The following PDE4B variants were observed in gnomAD, a reference collection of about 807,000 sequenced individuals.
PDE4B encodes phosphodiesterase 4B, also known as 3',5'-cyclic-AMP phosphodiesterase 4B.
A neutral mutation model predicts 82.2 loss-of-function variants in PDE4B; 20 were observed. The ratio of observed to expected loss-of-function variants is 0.24; its 90% CI spans 0.17 to 0.35. The LOEUF is 0.35. Ranked by LOEUF, PDE4B falls within the 10% of genes least tolerant of loss-of-function variation. The probability of loss-of-function intolerance (pLI) is 1.00; values close to 1 mark genes in which losing one functional copy is unlikely to be tolerated. For synonymous variants in PDE4B, 320 were observed against 318.9 expected (o/e 1.00, Z -0.04); for missense variants, 655 against 907.2 (o/e 0.72, Z 3.57).
At chr1:66,035,205 T>C (rs989676444) in intron 3 of PDE4B, among the ~76,000 whole-genome samples, 2 of 152,206 alleles carry the variant, frequency 1.3e-5, no homozygotes, top group Non-Finnish European at 2.9e-5. Flanking sequence ...TTTTGACAAA[T>C]AGTAATTGTG....
At chr1:65,974,483 T>G (rs569210682) in intron 3 of PDE4B, among the ~76,000 whole-genome samples, 40 of 152,198 alleles carry the variant, frequency 2.6e-4, no homozygotes, top group Non-Finnish European at 4.6e-4. Flanking sequence ...CATTCCCTTC[T>G]CCCTGGGTCA....
chr1:65,803,034 T>C (rs1475592848), intron 1 of PDE4B, among the ~76,000 whole-genome samples: 1 of 152,182 alleles, frequency 6.6e-6, no homozygotes, highest in Non-Finnish European at 1.5e-5. Flanking sequence ...TTTAATGACA[T>C]ATATTAATAT....
At chr1:66,115,587 G>A (rs970444932) in intron 3 of PDE4B, among the ~76,000 whole-genome samples, 1 of 152,198 alleles carries the variant, frequency 6.6e-6, no homozygotes, top group Non-Finnish European at 1.5e-5. Context: ...ACATGAAATT[G>A]TCTCATATAG....
At chr1:66,224,601 C>T (rs1466102815) in intron 3 of PDE4B, among the ~76,000 whole-genome samples, 1 of 152,128 alleles carries the variant, frequency 6.6e-6, no homozygotes. Context: ...TGCCTGTAAT[C>T]CCAGCTACTC....
chr1:66,338,723 G>C (rs1660711167), intron 8 of PDE4B, among the ~76,000 whole-genome samples: 1 of 150,448 alleles, frequency 6.6e-6, no homozygotes, highest in Non-Finnish European at 1.5e-5. Context: ...GGGAAATAGA[G>C]ATAAGCTATT....
intron 1 of PDE4B, among the ~76,000 whole-genome samples, chr1:65,906,522 T>C (rs1273553506): frequency 6.6e-6 from 1 of 152,164 alleles, no homozygotes; most frequent in African/African-American, 2.4e-5. Context: ...TGATTACTTT[T>C]TTTTAGACTA....
chr1:65,870,997 C>T (rs975976366), intron 1 of PDE4B, among the ~76,000 whole-genome samples: 1 of 152,138 alleles, frequency 6.6e-6, no homozygotes, highest in Non-Finnish European at 1.5e-5. Flanking sequence ...AGTCTAAGGG[C>T]AGCACTTCAG....
chr1:66,087,020 G>C (rs946587291), intron 3 of PDE4B, among the ~76,000 whole-genome samples: 4 of 152,088 alleles, frequency 2.6e-5, no homozygotes, highest in Middle Eastern at 3.2e-3. Context: ...TGGAGTTATG[G>C]AAGAACAGAG....
chr1:66,109,152 C>T (rs1326739957), intron 3 of PDE4B, among the ~76,000 whole-genome samples: 1 of 151,928 alleles, frequency 6.6e-6, no homozygotes, highest in Non-Finnish European at 1.5e-5. Flanking sequence ...TGCCATGGTA[C>T]AGACATATCT....
intron 7 of PDE4B, chr1:66,266,740 A>G (rs759366886): frequency 4.3e-5 from 22 of 516,526 alleles, no homozygotes; most frequent in Non-Finnish European, 6.8e-5. Context: ...AAGGAACACC[A>G]TGGAGTTCTG....
Position 66,072,822 on chromosome 1 carries a change from A to T in PDE4B, c.281+153987A>T, listed in dbSNP as rs183779203. On this transcript the variant is annotated intron_variant, in intron 3 of 16. Transcript: ENST00000341517. ...AATTTTTTCAGTCTAGTGGGGATCA[A>T]AGTGGAACAAATAGAAAATAAAGTA... is the stretch of plus-strand genomic sequence containing the variant. Among the ~76,000 whole-genome samples the T allele has an allele frequency of 7.0e-4, 107 of 152,272 alleles. 1 individual carries two copies. Among genetic ancestry groups the T allele is most frequent in the African/African-American group, 2.5e-3 (104 of 41,566 alleles).
Position 66,369,113 on chromosome 1 carries a change from G to A in PDE4B, c.1845+144G>A, listed in dbSNP as rs543136594. ...TACGCATTTTGTTCCATTATAGTCA[G>A]GACTCATGCGACTTCTCCATTACAC... On this transcript the variant is annotated intron_variant, in intron 16 of 16. Coordinates refer to ENST00000341517, the MANE Select transcript of PDE4B (RefSeq NM_002600.4). The A allele has an allele frequency of 3.9e-5, 23 of 592,760 alleles. No homozygotes were observed. In the East Asian group the frequency reaches 6.8e-4, roughly 18 times the overall value. The allele number at this position is 592,760 out of a possible 1,614,324, so 36.7% of individuals were successfully genotyped here. A position where few individuals can be genotyped will look rare whatever the true frequency, so the allele number is the denominator to read the frequency against.
intron 3 of PDE4B, among the ~76,000 whole-genome samples, chr1:65,971,668 C>T (rs970337375): frequency 3.3e-5 from 5 of 151,972 alleles, no homozygotes; most frequent in East Asian, 1.9e-4. Flanking sequence ...CAACTATTTC[C>T]GAAGTAGAAT....
intron 1 of PDE4B, among the ~76,000 whole-genome samples, chr1:65,879,662 C>T (rs1247208786): frequency 6.6e-6 from 1 of 152,070 alleles, no homozygotes; most frequent in African/African-American, 2.4e-5. Context: ...TAAATAAAAG[C>T]ATGAAAACTA....
intron 4 of PDE4B, among the ~76,000 whole-genome samples, chr1:66,254,242 AAAAGCAAG>A (rs1361106182): frequency 1.3e-5 from 2 of 152,200 alleles, no homozygotes; most frequent in African/African-American, 4.8e-5. Flanking sequence ...AAGAAAGAAG[AAAAGCAAG>A]AAAGCAAGAA....
intron 8 of PDE4B, among the ~76,000 whole-genome samples, chr1:66,346,217 G>C (rs1282885637): frequency 1.3e-5 from 2 of 152,178 alleles, no homozygotes; most frequent in African/African-American, 2.4e-5. Flanking sequence ...TCTCACCTGA[G>C]CCACATATTC....
intron 1 of PDE4B, among the ~76,000 whole-genome samples, chr1:65,883,564 A>C (rs1360310399): frequency 2.0e-5 from 3 of 152,246 alleles, no homozygotes; most frequent in Admixed American, 1.3e-4. Flanking sequence ...GGGCTGAGAC[A>C]ATGGGGTTTT....
At chr1:65,992,981 A>G in intron 3 of PDE4B, 1 of 1,614,010 alleles carries the variant, frequency 6.2e-7, no homozygotes, top group African/African-American at 1.3e-5. Context: ...TCAAGGAGCA[A>G]ATGCATTTAG....
At chr1:66,073,945 A>T (rs577325890) in intron 3 of PDE4B, among the ~76,000 whole-genome samples, 8 of 152,276 alleles carry the variant, frequency 5.3e-5, no homozygotes, top group African/African-American at 1.7e-4. Context: ...AGGGTATATG[A>T]GAGCTAAATT....
Sources: gnomAD v4.1 joint callset for allele counts (sites outside exome capture counted in the v4.1 genomes callset) on GRCh38, gnomAD v4.1.1 for gene constraint, MANE v1.5 for transcripts, NCBI Gene and HGNC (gene_info 2026-07-23, HGNC 2026-07-21) for gene names.